The following PDE1C variants were observed in gnomAD, a reference collection of about 807,000 sequenced individuals.
PDE1C encodes the protein phosphodiesterase 1C.
In PDE1C, 62 loss-of-function variants were observed where a neutral mutation model predicts 93.1. That is an observed-to-expected ratio of 0.67 (90% confidence interval 0.54 to 0.82). PDE1C has a LOEUF of 0.82. PDE1C is among the 40% of genes least tolerant of loss of function. The probability of loss-of-function intolerance (pLI) is 0.00; values close to 1 mark genes in which losing one functional copy is unlikely to be tolerated. For synonymous variants in PDE1C, 325 were observed against 310.1 expected (o/e 1.05, Z -0.50); for missense variants, 742 against 884.6 (o/e 0.84, Z 2.04).
intron 1 of PDE1C, among the ~76,000 whole-genome samples, chr7:32,274,127 G>C (rs1011633769): frequency 6.6e-6 from 1 of 152,008 alleles, no homozygotes; most frequent in African/African-American, 2.4e-5. Context: ...AACATTTTTA[G>C]CAGTAGAACA....
At chr7:32,203,302 T>C (rs1028117140) in intron 2 of PDE1C, among the ~76,000 whole-genome samples, 10 of 152,136 alleles carry the variant, frequency 6.6e-5, no homozygotes, top group African/African-American at 2.4e-4. Flanking sequence ...CCATAACAAC[T>C]GATCTAGTAA....
chr7:31,904,689 A>G (rs1800379282), intron 2 of PDE1C, among the ~76,000 whole-genome samples: 1 of 152,000 alleles, frequency 6.6e-6, no homozygotes, highest in African/African-American at 2.4e-5. Flanking sequence ...TCTTATTAAA[A>G]CTCCCATCTC....
chr7:31,886,769 C>CGG (rs1554395339), intron 2 of PDE1C, among the ~76,000 whole-genome samples: 1 of 6,938 alleles, frequency 1.4e-4, no homozygotes, highest in African/African-American at 6.6e-4. Context: ...GTGATCTATT[C>CGG]AGATCTATTC....
chr7:31,930,555 T>C (rs1466438884), intron 2 of PDE1C, among the ~76,000 whole-genome samples: 1 of 152,004 alleles, frequency 6.6e-6, no homozygotes, highest in Non-Finnish European at 1.5e-5. Context: ...AAAAAGCTTA[T>C]CCAGGCCAGG....
At chr7:32,051,013 C>A (rs1463060718) in intron 2 of PDE1C, among the ~76,000 whole-genome samples, 1 of 152,170 alleles carries the variant, frequency 6.6e-6, no homozygotes, top group African/African-American at 2.4e-5. Context: ...AAAGCACAGC[C>A]CAGAGGCAGG....
intron 2 of PDE1C, among the ~76,000 whole-genome samples, chr7:32,016,219 A>G (rs2128600626): frequency 6.6e-6 from 1 of 152,328 alleles, no homozygotes; most frequent in Admixed American, 6.5e-5. Context: ...TGGACCTATA[A>G]CACTGCCAGA....
the PDE1C span, among the ~76,000 whole-genome samples, chr7:31,739,200 G>GACACAC: frequency 0.29 from 40,738 of 142,884 alleles, 6,330 homozygotes; most frequent in Middle Eastern, 0.38. Flanking sequence ...GTAACTTTTA[G>GACACAC]ACACACACAC....
chr7:31,786,950 TATCTATC>T (rs1247648095), intron 16 of PDE1C: 2,882 of 117,640 alleles, frequency 0.024, 32 homozygotes, highest in African/African-American at 0.04. Context: ...TCTATCTATC[TATCTATC>T]ATCTATCTAT....
intron 1 of PDE1C, among the ~76,000 whole-genome samples, chr7:32,213,327 C>T (rs938851372): frequency 2.0e-5 from 3 of 152,214 alleles, no homozygotes; most frequent in African/African-American, 7.2e-5. Context: ...TGGATCAACA[C>T]TGAGATGGTC....
chr7:31,683,129 A>G, the PDE1C span, among the ~76,000 whole-genome samples: 1 of 152,218 alleles, frequency 6.6e-6, no homozygotes, highest in Admixed American at 6.5e-5. Flanking sequence ...ACACACAGAC[A>G]GAGTTGGGGA....
chr7:31,948,570 A>G (rs1446739077), intron 2 of PDE1C, among the ~76,000 whole-genome samples: 1 of 152,186 alleles, frequency 6.6e-6, no homozygotes, highest in Non-Finnish European at 1.5e-5. Context: ...CAAAATGACC[A>G]CTTTTTGATA....
intron 1 of PDE1C, among the ~76,000 whole-genome samples, chr7:32,339,010 G>GCACACACACACACACACACACACACA (rs57740255): frequency 7.2e-6 from 1 of 138,544 alleles, no homozygotes; most frequent in Non-Finnish European, 1.6e-5. Context: ...CTCAAAAAAA[G>GCACACACACACACACACACACACACA]CACACACACA....
At chr7:31,727,958 C>T in the PDE1C span, among the ~76,000 whole-genome samples, 4 of 152,142 alleles carry the variant, frequency 2.6e-5, no homozygotes, top group East Asian at 5.8e-4. Context: ...GCAGGAGAAT[C>T]GCTTGAACCT....
chr7:32,088,619 G>A lies in PDE1C; in HGVS notation c.308+81166C>T, dbSNP rs190254621. Among the ~76,000 whole-genome samples the A allele has an allele frequency of 5.8e-4, 89 of 152,344 alleles. 1 individual carries two copies. The highest frequency in any genetic ancestry group is 1.9e-3 in the African/African-American group (78 of 41,574). On this transcript the variant is annotated intron_variant, in intron 3 of 18. Coordinates refer to the PDE1C transcript ENST00000396193. ...GCTGGCAACAATTGCAATTGATGGCGCTCGCAAGGCTGTGTGATGTCGCTG... is the reference window on the plus strand; with the variant it reads ...GCTGGCAACAATTGCAATTGATGGCACTCGCAAGGCTGTGTGATGTCGCTG...
At chr7:31,962,351 G>C (rs185119240) in intron 2 of PDE1C, among the ~76,000 whole-genome samples, 1 of 152,320 alleles carries the variant, frequency 6.6e-6, no homozygotes. Context: ...GAGTCCTTTA[G>C]TGCTACTTGC....
chr7:31,786,933 CTATCTATCTATCTATCT>C (rs1412919152), intron 16 of PDE1C: 1 of 106,908 alleles, frequency 9.4e-6, no homozygotes, highest in Non-Finnish European at 2.0e-5. Context: ...ATCTATCTAT[CTATCTATCTATCTATCT>C]ATCTATCATC....
At chr7:32,392,957 G>C (rs1478244342) in intron 1 of PDE1C, among the ~76,000 whole-genome samples, 1 of 142,880 alleles carries the variant, frequency 7.0e-6, no homozygotes, top group African/African-American at 2.6e-5. Context: ...GCTGAGACAG[G>C]AGAATCACTT....
chr7:31,681,852 G>C, the PDE1C span, among the ~76,000 whole-genome samples: 1 of 152,194 alleles, frequency 6.6e-6, no homozygotes, highest in African/African-American at 2.4e-5. Context: ...GGTATCTTCT[G>C]ATGAAATTCA....
At chr7:32,156,750 A>T (rs905417728) in intron 3 of PDE1C, among the ~76,000 whole-genome samples, 1 of 152,252 alleles carries the variant, frequency 6.6e-6, no homozygotes, top group Admixed American at 6.5e-5. Flanking sequence ...TGATAGGGTT[A>T]GAAAATACCA....
Sources: allele counts gnomAD v4.1 joint callset (sites outside exome capture counted in the v4.1 genomes callset), GRCh38; gene constraint gnomAD v4.1.1; transcripts MANE v1.5; gene names NCBI Gene and HGNC (gene_info 2026-07-23, HGNC 2026-07-21).